The following TBC1D5 variants were observed in gnomAD, a reference collection of about 807,000 sequenced individuals.
The protein encoded by TBC1D5 is TBC1 domain family, member 5.
TBC1D5 carries 75 observed loss-of-function variants against 100.3 expected under a neutral mutation model. The ratio of observed to expected loss-of-function variants is 0.75; its 90% CI spans 0.62 to 0.91. The LOEUF (loss-of-function observed/expected upper bound fraction) is 0.91, where lower values mean the gene tolerates loss of function less well. Ranked by LOEUF, TBC1D5 falls within the 40% of genes least tolerant of loss-of-function variation. TBC1D5 has a pLI of 0.00. For synonymous variants in TBC1D5, 323 were observed against 325.6 expected, an observed-to-expected ratio of 0.99 and a Z score of 0.09; for missense variants, 910 against 942.4, an observed-to-expected ratio of 0.97 and a Z score of 0.45.
At chr3:17,466,756 T>G (rs1425129979) in intron 3 of TBC1D5, among the ~76,000 whole-genome samples, 1 of 150,120 alleles carries the variant, frequency 6.7e-6, no homozygotes, top group Non-Finnish European at 1.5e-5. Flanking sequence ...ACACCTTATA[T>G]GCAAAATTAC....
chr3:17,740,323 G>C (rs2077318471), exon 1 of TBC1D5: 3 of 150,708 alleles, frequency 2.0e-5, no homozygotes, highest in South Asian at 2.1e-4. Context: ...GCGACAGAGC[G>C]AGAGTCCGTC....
chr3:17,519,055 G>A (rs1165005110), intron 2 of TBC1D5: 1 of 152,304 alleles, frequency 6.6e-6, no homozygotes, highest in Non-Finnish European at 1.5e-5. Flanking sequence ...TGAGTCCCAT[G>A]AAGAAGTCAA....
chr3:17,591,253 A>AC (rs2096768176), intron 2 of TBC1D5, among the ~76,000 whole-genome samples: 1 of 137,142 alleles, frequency 7.3e-6, no homozygotes, highest in Non-Finnish European at 1.5e-5. Context: ...AAAAAAAAAA[A>AC]AAAAAAAAAA....
intron 1 of TBC1D5, among the ~76,000 whole-genome samples, chr3:17,678,301 T>A (rs2068913629): frequency 6.6e-6 from 1 of 152,108 alleles, no homozygotes; most frequent in Non-Finnish European, 1.5e-5. Context: ...CACAGAAAGT[T>A]TTCAAGAGCT....
intron 17 of TBC1D5, among the ~76,000 whole-genome samples, chr3:17,224,644 A>G (rs1576096408): frequency 6.6e-6 from 1 of 152,208 alleles, no homozygotes; most frequent in East Asian, 1.9e-4. Context: ...TTTTGTGACT[A>G]TTGTAACAAA....
chr3:17,614,726 T>C (rs1164048861), intron 2 of TBC1D5, among the ~76,000 whole-genome samples: 3 of 152,234 alleles, frequency 2.0e-5, no homozygotes, highest in South Asian at 2.1e-4. Context: ...TTTTTGCACA[T>C]TGATTTTGTA....
chr3:17,710,269 T>C (rs2074581575), intron 1 of TBC1D5, among the ~76,000 whole-genome samples: 1 of 151,970 alleles, frequency 6.6e-6, no homozygotes. Flanking sequence ...AATCTAAATA[T>C]ATTGATAAAA....
At chr3:17,579,268 T>G (rs2096677155) in intron 2 of TBC1D5, among the ~76,000 whole-genome samples, 1 of 152,112 alleles carries the variant, frequency 6.6e-6, no homozygotes, top group Non-Finnish European at 1.5e-5. Context: ...AAATTTCAAA[T>G]TTCTTTGTAA....
chr3:17,733,430 C>T (rs1284157569), intron 1 of TBC1D5, among the ~76,000 whole-genome samples: 1 of 152,024 alleles, frequency 6.6e-6, no homozygotes, highest in Non-Finnish European at 1.5e-5. Context: ...TTTTAATTTA[C>T]GCTAAACCAC....
At chr3:17,164,196 G>C (rs1183680034) in intron 21 of TBC1D5, among the ~76,000 whole-genome samples, 1 of 152,226 alleles carries the variant, frequency 6.6e-6, no homozygotes. Context: ...ACAGTGAGGA[G>C]CAGGGCATGT....
chr3:17,709,694 A>G (rs1163210510), intron 1 of TBC1D5, among the ~76,000 whole-genome samples: 1 of 152,218 alleles, frequency 6.6e-6, no homozygotes, highest in Non-Finnish European at 1.5e-5. Context: ...GAGGAATACC[A>G]GAAAGACAGA....
At chr3:17,363,309 C>T in intron 13 of TBC1D5, among the ~76,000 whole-genome samples, 1 of 152,002 alleles carries the variant, frequency 6.6e-6, no homozygotes. Flanking sequence ...AATTATGAGT[C>T]AAATAATCCA....
At chr3:17,482,831 G>C (rs1334873581) in intron 3 of TBC1D5, among the ~76,000 whole-genome samples, 2 of 151,994 alleles carry the variant, frequency 1.3e-5, no homozygotes, top group African/African-American at 4.8e-5. Context: ...TGCCTTGTCA[G>C]TACAACTAAT....
intron 9 of TBC1D5, among the ~76,000 whole-genome samples, chr3:17,377,404 A>G (rs1459074586): frequency 6.6e-6 from 1 of 152,068 alleles, no homozygotes; most frequent in Non-Finnish European, 1.5e-5. Context: ...ATTCCACATT[A>G]TGGCTACCTT....
At chr3:17,183,691 G>T (rs1293234767) in intron 19 of TBC1D5, among the ~76,000 whole-genome samples, 1 of 152,156 alleles carries the variant, frequency 6.6e-6, no homozygotes, top group African/African-American at 2.4e-5. Flanking sequence ...ACACTGTCAG[G>T]CAGCCAGCCA....
At chr3:17,562,601 G>C (rs181062754) in intron 2 of TBC1D5, among the ~76,000 whole-genome samples, 42 of 151,262 alleles carry the variant, frequency 2.8e-4, no homozygotes, top group African/African-American at 9.4e-4. Flanking sequence ...GCCAGGGACT[G>C]TGCTAAACAC....
chr3:17,245,795 T>C (rs954651296), intron 16 of TBC1D5, among the ~76,000 whole-genome samples: 1 of 152,240 alleles, frequency 6.6e-6, no homozygotes, highest in South Asian at 2.1e-4. Flanking sequence ...ATTTGAATTA[T>C]TATTTGAATT....
intron 13 of TBC1D5, among the ~76,000 whole-genome samples, chr3:17,315,115 T>G: frequency 6.6e-6 from 1 of 152,228 alleles, no homozygotes; most frequent in South Asian, 2.1e-4. Flanking sequence ...CTGGTTTCTC[T>G]CCGCATCTTC....
intron 3 of TBC1D5, among the ~76,000 whole-genome samples, chr3:17,477,795 T>C (rs909357097): frequency 2.0e-5 from 3 of 152,102 alleles, no homozygotes; most frequent in Non-Finnish European, 2.9e-5. Context: ...TAGAAGTATG[T>C]ATACACATTG....
Sources: gnomAD v4.1 joint callset for allele counts (sites outside exome capture counted in the v4.1 genomes callset) on GRCh38, gnomAD v4.1.1 for gene constraint, MANE v1.5 for transcripts, NCBI Gene and HGNC (gene_info 2026-07-23, HGNC 2026-07-21) for gene names.